Variants in SERGEF observed in about 807,000 individuals in gnomAD.
SERGEF encodes the protein secretion-regulating guanine nucleotide exchange factor.
Under a neutral mutation model 50.0 loss-of-function variants are expected in SERGEF, and 51 were observed. The ratio of observed to expected loss-of-function variants is 1.02; its 90% confidence interval spans 0.81 to 1.29. The LOEUF (loss-of-function observed/expected upper bound fraction) is 1.29, where lower values mean the gene tolerates loss of function less well. Among genes scored for constraint, SERGEF ranks in the 50% most tolerant of loss-of-function variants. SERGEF has a pLI of 0.00. For synonymous variants in SERGEF, 205 were observed against 212.4 expected (o/e 0.97, Z 0.30); for missense variants, 521 against 557.0 (o/e 0.94, Z 0.65).
At chr11:17,860,908 C>T (rs1483637022) in intron 10 of SERGEF, among the ~76,000 whole-genome samples, 2 of 152,168 alleles carry the variant, frequency 1.3e-5, no homozygotes, top group Non-Finnish European at 2.9e-5. Flanking sequence ...AGTAAGTTCC[C>T]TGAGGAGCAA....
chr11:17,976,848 A>G (rs144043365), intron 8 of SERGEF, among the ~76,000 whole-genome samples: 1 of 152,364 alleles, frequency 6.6e-6, no homozygotes, highest in Admixed American at 6.5e-5. Flanking sequence ...AGCTTGCAGC[A>G]TGGCTGGTCA....
intron 7 of SERGEF, among the ~76,000 whole-genome samples, chr11:17,990,229 T>C (rs1051555168): frequency 2.9e-4 from 44 of 152,238 alleles, no homozygotes; most frequent in Non-Finnish European, 6.2e-4. Flanking sequence ...AAGTTCCATC[T>C]GTTACCCGAT....
intron 8 of SERGEF, among the ~76,000 whole-genome samples, chr11:17,977,951 T>C (rs1412502869): frequency 2.0e-5 from 3 of 152,216 alleles, no homozygotes; most frequent in Non-Finnish European, 4.4e-5. Flanking sequence ...TATAGCAGCC[T>C]GAATGGAATA....
intron 8 of SERGEF, among the ~76,000 whole-genome samples, chr11:17,984,177 T>C (rs907270709): frequency 6.6e-6 from 1 of 152,106 alleles, no homozygotes; most frequent in African/African-American, 2.4e-5. Context: ...GGGAGGATAT[T>C]AGTCATTCTC....
chr11:17,925,270 G>A (rs6486401), intron 9 of SERGEF, among the ~76,000 whole-genome samples: 2 of 552 alleles, frequency 3.6e-3, no homozygotes, highest in African/African-American at 8.9e-3. Flanking sequence ...CATCACAAGG[G>A]CACCACGAAA....
intron 10 of SERGEF, among the ~76,000 whole-genome samples, chr11:17,814,767 G>C (rs779862563): frequency 6.6e-6 from 1 of 152,204 alleles, no homozygotes; most frequent in Non-Finnish European, 1.5e-5. Flanking sequence ...CCTGGCCAAA[G>C]CAAATAATGT....
chr11:17,812,670 T>C (rs1202004330), intron 10 of SERGEF, among the ~76,000 whole-genome samples: 1 of 152,204 alleles, frequency 6.6e-6, no homozygotes, highest in African/African-American at 2.4e-5. Flanking sequence ...GATGACTTAA[T>C]TGTACCTTTG....
chr11:17,841,154 G>C (rs544199860), intron 10 of SERGEF, among the ~76,000 whole-genome samples: 1 of 152,272 alleles, frequency 6.6e-6, no homozygotes, highest in Non-Finnish European at 1.5e-5. Flanking sequence ...CTGACCCCCA[G>C]AGAGGCTGGA....
At chr11:17,809,604 G>A (rs986992896) in intron 10 of SERGEF, among the ~76,000 whole-genome samples, 1 of 152,148 alleles carries the variant, frequency 6.6e-6, no homozygotes, top group African/African-American at 2.4e-5. Flanking sequence ...GGAGGTGGAG[G>A]CAAAGTCTAA....
intron 10 of SERGEF, among the ~76,000 whole-genome samples, chr11:17,818,876 C>A (rs917465480): frequency 1.8e-4 from 27 of 152,206 alleles, no homozygotes; most frequent in African/African-American, 6.0e-4. Context: ...GTCCTTGCCA[C>A]CTAGACTTTG....
intron 10 of SERGEF, among the ~76,000 whole-genome samples, chr11:17,853,354 C>T (rs1850748068): frequency 6.6e-6 from 1 of 152,186 alleles, no homozygotes; most frequent in African/African-American, 2.4e-5. Flanking sequence ...TCTCCTTCCC[C>T]TTGCTCCTGT....
intron 10 of SERGEF, among the ~76,000 whole-genome samples, chr11:17,862,517 C>T (rs1850944583): frequency 2.0e-5 from 3 of 152,140 alleles, no homozygotes; most frequent in Non-Finnish European, 4.4e-5. Context: ...ATAGGCAAAC[C>T]GAATGTTGCT....
At chr11:17,830,649 G>GGAGAGAGAGAGAGAGAGAGA (rs55967425) in intron 10 of SERGEF, among the ~76,000 whole-genome samples, 11 of 77,726 alleles carry the variant, frequency 1.4e-4, no homozygotes, top group African/African-American at 3.5e-4. Flanking sequence ...GGAGAGGGAG[G>GGAGAGAGAGAGAGAGAGAGA]GAGAGAGAGA....
At chr11:17,842,974 C>T (rs530275552) in intron 10 of SERGEF, among the ~76,000 whole-genome samples, 1 of 152,320 alleles carries the variant, frequency 6.6e-6, no homozygotes, top group East Asian at 1.9e-4. Context: ...ATGAAATGAA[C>T]TTGAGTTTCT....
chr11:18,005,798 A>G (rs923600279), intron 3 of SERGEF, among the ~76,000 whole-genome samples: 1 of 152,138 alleles, frequency 6.6e-6, no homozygotes, highest in Admixed American at 6.5e-5. Context: ...CTATCCTGCT[A>G]CCTGGCTTCA....
intron 9 of SERGEF, among the ~76,000 whole-genome samples, chr11:17,910,643 T>C (rs1851934869): frequency 6.6e-6 from 1 of 152,162 alleles, no homozygotes; most frequent in African/African-American, 2.4e-5. Context: ...CATTCACTCA[T>C]TCATTCATTC....
chr11:17,903,814 T>C (rs1565200083), intron 9 of SERGEF, among the ~76,000 whole-genome samples: 1 of 152,194 alleles, frequency 6.6e-6, no homozygotes, highest in Non-Finnish European at 1.5e-5. Flanking sequence ...TTTCTAACCA[T>C]GATCAGAACT....
At chr11:17,793,111 C>G (rs1849513227) in intron 10 of SERGEF, among the ~76,000 whole-genome samples, 1 of 152,162 alleles carries the variant, frequency 6.6e-6, no homozygotes, top group African/African-American at 2.4e-5. Flanking sequence ...TGAGGAGGAG[C>G]AATGCCCCAG....
chr11:18,012,842 G>C, intron 1 of SERGEF, 109 bp downstream of exon 1: 2 of 1,336,064 alleles, frequency 1.5e-6, no homozygotes, highest in South Asian at 2.5e-5. Flanking sequence ...CCCAGAGCCC[G>C]GCTCGGACCT....
Sources: gnomAD v4.1 joint callset for allele counts (sites outside exome capture counted in the v4.1 genomes callset) on GRCh38, gnomAD v4.1.1 for gene constraint, MANE v1.5 for transcripts, NCBI Gene and HGNC (gene_info 2026-07-23, HGNC 2026-07-21) for gene names.